Variants in TACC2 observed in about 807,000 individuals in gnomAD.
TACC2 encodes transforming acidic coiled-coil containing protein 2, also known as transforming acidic coiled-coil-containing protein 2.
A neutral mutation model predicts 227.3 loss-of-function variants in TACC2; 137 were observed. The observed-to-expected ratio is 0.60, with a 90% CI of 0.52 to 0.69. The LOEUF (loss-of-function observed/expected upper bound fraction) is 0.69, where lower values mean the gene tolerates loss of function less well. TACC2 is among the 30% of genes least tolerant of loss of function. TACC2 has a pLI of 0.00. For synonymous variants in TACC2, 1,523 were observed against 1,487.5 expected, an observed-to-expected ratio of 1.02 and a Z score of -0.55; for missense variants, 3,470 against 3,694.4, an observed-to-expected ratio of 0.94 and a Z score of 1.57.
At chr10:122,103,904 A>C (rs1377684577) in intron 5 of TACC2, among the ~76,000 whole-genome samples, 2 of 152,226 alleles carry the variant, frequency 1.3e-5, no homozygotes, top group African/African-American at 4.8e-5. Flanking sequence ...TCCTGACCTC[A>C]TGGAGACCAT....
rs142665620 is a variant in TACC2 at position 122,192,907 on chromosome 10, C to T, written c.5835-2133C>T. On this transcript the variant is annotated intron_variant, in intron 7 of 22. Transcript: ENST00000369005. ...AGCACCCGGGGCAGCACCCAGGGCT[C>T]GCCAGGCTGATCTGAACTCTCATTC... 1.9e-4 allele frequency: 72 copies of T among 386,938 alleles called. 2 individuals carry two copies. In the Middle Eastern group the frequency reaches 2.2e-3, roughly 12 times the overall value. The allele number at this position is 386,938 out of a possible 1,614,324, so 24.0% of individuals were successfully genotyped here. A position where few individuals can be genotyped will look rare whatever the true frequency, so the allele number is the denominator to read the frequency against.
intron 2 of TACC2, among the ~76,000 whole-genome samples, chr10:122,038,331 A>C (rs2135953054): frequency 6.6e-6 from 1 of 152,258 alleles, no homozygotes; most frequent in East Asian, 1.9e-4. Context: ...GAAAAAAGTG[A>C]CTTTTTATTC....
chr10:121,991,628 C>T (rs1013948019), intron 1 of TACC2, among the ~76,000 whole-genome samples: 1 of 152,202 alleles, frequency 6.6e-6, no homozygotes, highest in Non-Finnish European at 1.5e-5. Flanking sequence ...TGTATGGTGG[C>T]ACCATCTCAG....
chr10:122,199,649 C>T (rs1356749766), intron 8 of TACC2, among the ~76,000 whole-genome samples: 1 of 152,186 alleles, frequency 6.6e-6, no homozygotes, highest in Non-Finnish European at 1.5e-5. Flanking sequence ...TCTTCACCCA[C>T]ACAAGAATTC....
intron 2 of TACC2, among the ~76,000 whole-genome samples, chr10:122,036,261 C>T (rs533020520): frequency 4.0e-4 from 58 of 146,190 alleles, no homozygotes; most frequent in African/African-American, 1.3e-3. Context: ...GGCGCAATCT[C>T]GGCTCACTGC....
chr10:122,142,197 C>T (rs10788250), intron 6 of TACC2, among the ~76,000 whole-genome samples: 23,428 of 152,166 alleles, frequency 0.15, 2,736 homozygotes, highest in East Asian at 0.37. Context: ...GCTCTGTTTT[C>T]CTCTGTGGAG....
At chr10:122,196,877 A>G (rs1016909568) in intron 8 of TACC2, among the ~76,000 whole-genome samples, 8 of 141,470 alleles carry the variant, frequency 5.7e-5, no homozygotes, top group African/African-American at 2.1e-4. Context: ...CGGAGTTTGC[A>G]GTGAGCGGAG....
intron 7 of TACC2, among the ~76,000 whole-genome samples, chr10:122,149,319 C>T (rs1274453684): frequency 3.3e-5 from 5 of 152,184 alleles, no homozygotes; most frequent in Admixed American, 6.5e-5. Context: ...TCTGGATAGA[C>T]GCGGGAGAAA....
At position 122,210,417 on chromosome 10, in the gene TACC2, C is replaced by G; in HGVS notation, c.5992C>G (p.Pro1998Ala). The change falls in exon 9 of 23, where the codon CCT becomes GCT. Residue 1998 changes from proline to alanine, a missense_variant. Physicochemically the swap from Pro to Ala is conservative, Grantham distance 27 (BLOSUM62 -1). Transcript: ENST00000369005. The surrounding 1 kb of genome is among the most constrained non-coding windows in gnomAD (Gnocchi z 4.6). The part of the protein sequence containing the change: ...EEPGCGSETV[P>A]VPDGPRSDSV... The stretch of plus-strand genomic sequence containing the variant: ...CCCAGGATGTGGTTCTGAGACAGTC[C>G]CTGTCCCTGATGGCCCACGGAGCGA... 6.2e-7 allele frequency: 1 copy of G among 1,613,952 alleles called. No homozygotes were observed. The highest frequency in any genetic ancestry group is 1.1e-5 in the South Asian group (1 of 91,050).
At chr10:122,104,012 T>C (rs191612428) in intron 5 of TACC2, among the ~76,000 whole-genome samples, 1 of 152,334 alleles carries the variant, frequency 6.6e-6, no homozygotes, top group African/African-American at 2.4e-5. Context: ...GAATATGGCC[T>C]TTTGTCCTTA....
chr10:122,118,830 A>G (rs553499835), intron 5 of TACC2, among the ~76,000 whole-genome samples: 1 of 152,324 alleles, frequency 6.6e-6, no homozygotes, highest in African/African-American at 2.4e-5. Context: ...TTAGAGAGGA[A>G]GCTGATTGTG....
At chr10:122,008,720 C>A (rs1029535169) in intron 1 of TACC2, among the ~76,000 whole-genome samples, 10 of 151,798 alleles carry the variant, frequency 6.6e-5, no homozygotes, top group Non-Finnish European at 1.0e-4. Flanking sequence ...TTACAGGCGC[C>A]AGCCACCACA....
intron 5 of TACC2, among the ~76,000 whole-genome samples, chr10:122,100,645 C>T (rs1294749517): frequency 5.3e-5 from 8 of 152,080 alleles, no homozygotes; most frequent in Admixed American, 2.0e-4. Context: ...AGGCTGGTTT[C>T]GAACTCCTGA....
chr10:122,033,294 A>T, intron 2 of TACC2: 1 of 438,882 alleles, frequency 2.3e-6, no homozygotes, highest in Non-Finnish European at 4.1e-6. Flanking sequence ...TCTTCCATCC[A>T]CCCCAAATAA....
intron 3 of TACC2, among the ~76,000 whole-genome samples, chr10:122,057,846 C>CAAAAAG (rs1336487803): frequency 1.3e-5 from 2 of 152,012 alleles, no homozygotes; most frequent in African/African-American, 4.8e-5. Flanking sequence ...AAAACAAAAA[C>CAAAAAG]TGAGTTTGGA....
chr10:122,100,029 C>G (rs1168260311), intron 5 of TACC2, among the ~76,000 whole-genome samples: 1 of 152,124 alleles, frequency 6.6e-6, no homozygotes, highest in Non-Finnish European at 1.5e-5. Flanking sequence ...CTTTGGGAGG[C>G]CAAGGCAGGA....
intron 7 of TACC2, among the ~76,000 whole-genome samples, chr10:122,154,060 C>T (rs1280596273): frequency 6.6e-6 from 1 of 152,210 alleles, no homozygotes; most frequent in Non-Finnish European, 1.5e-5. Context: ...CCTGGAAGGG[C>T]TCGTCCTAGG....
intron 5 of TACC2, among the ~76,000 whole-genome samples, chr10:122,120,140 C>G (rs1394682726): frequency 6.6e-6 from 1 of 152,134 alleles, no homozygotes; most frequent in Non-Finnish European, 1.5e-5. Flanking sequence ...GCAACTCGCC[C>G]GTCCTCACAG....
chr10:122,217,214 C>T lies in TACC2; in HGVS notation c.7546+386C>T, dbSNP rs113635589. Among the ~76,000 whole-genome samples, 553 of 151,910 alleles carry T rather than the reference C, an allele frequency of 3.6e-3. 5 individuals are homozygous for T. Among genetic ancestry groups the T allele is most frequent in the African/African-American group, 0.013 (522 of 41,402 alleles). On this transcript the variant is annotated intron_variant, in intron 11 of 22. Coordinates refer to ENST00000369005, the MANE Select transcript of TACC2 (RefSeq NM_206862.4). ...TCAGTGTAGGTCACTGACCTGGACT[C>T]GCTTGGTGCCACCGTTATTCCTAGG... is the stretch of plus-strand genomic sequence containing the variant.
Sources: gnomAD v4.1 joint callset for allele counts (sites outside exome capture counted in the v4.1 genomes callset) on GRCh38, gnomAD v4.1.1 for gene constraint, Gnocchi (gnomAD v3.1) non-coding constraint, MANE v1.5 for transcripts, NCBI Gene and HGNC (gene_info 2026-07-23, HGNC 2026-07-21) for gene names.